RC3H2: variants seen among roughly 807,000 people sequenced by gnomAD.
RC3H2 encodes roquin-2.
RC3H2 carries 31 observed loss-of-function variants against 133.3 expected under a neutral mutation model. The ratio of observed to expected loss-of-function variants is 0.23; its 90% confidence interval spans 0.17 to 0.31. The LOEUF (loss-of-function observed/expected upper bound fraction) is 0.31, where lower values mean the gene tolerates loss of function less well. Among genes scored for constraint, RC3H2 ranks in the 10% least tolerant of loss-of-function variants. The pLI is 1.00. For missense variants in RC3H2, 1,175 were observed against 1,437.2 expected (o/e 0.82, Z 2.95); for synonymous variants, 517 against 502.2 (o/e 1.03, Z -0.40).
intron 10 of RC3H2, among the ~76,000 whole-genome samples, chr9:122,864,938 A>T (rs1329933425): frequency 6.6e-6 from 1 of 152,130 alleles, no homozygotes; most frequent in Admixed American, 6.6e-5. Flanking sequence ...GCTACACCTC[A>T]TTACAGAGTA....
intron 8 of RC3H2, among the ~76,000 whole-genome samples, chr9:122,879,124 G>A (rs899714952): frequency 2.0e-5 from 3 of 150,388 alleles, no homozygotes; most frequent in East Asian, 4.1e-4. Flanking sequence ...GGCCAGGCAC[G>A]ATGGCTCACG....
chr9:122,880,168 GAC>G (rs1341625591), intron 6 of RC3H2, 43 bp from the exon 7 acceptor site: 11 of 1,597,426 alleles, frequency 6.9e-6, no homozygotes, highest in Non-Finnish European at 9.4e-6. Flanking sequence ...TGGTTCTTAT[GAC>G]ACATTTATAC....
rs1283603600 is a variant in RC3H2 at position 122,905,153 on chromosome 9, C to T, written c.-111G>A. ...GGTCGCTAAGGGCCGCTCCCGGGAG[C>T]CCCGCGACGGCGCGGCTTGGCGACG... is the stretch of plus-strand genomic sequence containing the variant. On this transcript the variant is annotated 5_prime_UTR_variant, in exon 1 of 21. Transcript: ENST00000357244. The T allele has an allele frequency of 6.1e-6, 6 of 985,356 alleles. No individual in the cohort carries two copies. In the South Asian group the frequency reaches 1.4e-4, roughly 23 times the overall value. The allele number at this position is 985,356 out of a possible 1,614,324, so 61.0% of individuals were successfully genotyped here.
At chr9:122,875,905 C>T (rs1285210222) in intron 9 of RC3H2, among the ~76,000 whole-genome samples, 1 of 152,106 alleles carries the variant, frequency 6.6e-6, no homozygotes, top group Non-Finnish European at 1.5e-5. Flanking sequence ...ATCTACAGGA[C>T]AATGAGAGGC....
At position 122,893,062 on chromosome 9, in the gene RC3H2, C is replaced by T. The variant is rs371208316; in HGVS notation, c.232-36G>A. Reference sequence around the variant, plus strand: ...AAAAAAAAGGAATATTGCAGAAATACATTCATCCAGCTCATGCAACTATTA... The same window carrying T: ...AAAAAAAAGGAATATTGCAGAAATATATTCATCCAGCTCATGCAACTATTA... On this transcript the variant is annotated intron_variant, in intron 2 of 20. Transcript: ENST00000357244. 3.2e-6 allele frequency: 5 copies of T among 1,577,194 alleles called. No homozygotes were observed. The South Asian group carries it at 3.4e-5, about 11-fold the overall frequency.
intron 9 of RC3H2, among the ~76,000 whole-genome samples, chr9:122,869,028 A>G (rs1448891477): frequency 6.6e-6 from 1 of 151,504 alleles, no homozygotes; most frequent in Non-Finnish European, 1.5e-5. Flanking sequence ...CAGCCTCCCA[A>G]GTAGCTGGGA....
At chr9:122,873,587 T>C (rs563595976) in intron 9 of RC3H2, among the ~76,000 whole-genome samples, 4 of 151,778 alleles carry the variant, frequency 2.6e-5, no homozygotes, top group African/African-American at 9.7e-5. Flanking sequence ...GTGGCGTGTG[T>C]CTGTGGTCCC....
At chr9:122,867,792 C>T (rs1235473555) in intron 9 of RC3H2, among the ~76,000 whole-genome samples, 8 of 106,962 alleles carry the variant, frequency 7.5e-5, no homozygotes, top group South Asian at 3.2e-4. Flanking sequence ...GCCCGGCAAC[C>T]GCCCCGTCTG....
intron 3 of RC3H2, among the ~76,000 whole-genome samples, chr9:122,891,665 C>A (rs981096101): frequency 1.1e-4 from 16 of 152,198 alleles, no homozygotes; most frequent in Non-Finnish European, 1.9e-4. Flanking sequence ...ATGCCTGACA[C>A]TCTCAGTCCA....
Position 122,905,300 on chromosome 9 carries a change from C to CCCTCCA in RC3H2, c.-264_-259dup, listed in dbSNP as rs1832803789. 3.5e-5 allele frequency: 34 copies of CCCTCCA among 977,744 alleles called. No homozygotes were observed. In the South Asian group the frequency reaches 9.9e-4, roughly 28 times the overall value. 60.6% of individuals were successfully genotyped at this position (977,744 alleles called of 1,614,324 possible). On this transcript the variant is annotated 5_prime_UTR_variant, in exon 1 of 21. Transcript: ENST00000357244. The stretch of plus-strand genomic sequence containing the variant: ...GGCCGCGACGGGGCCTCCTCCTCCT[C>CCCTCCA]CCTCCACCTCCGCCTCCTCCTCCTC...
intron 9 of RC3H2, among the ~76,000 whole-genome samples, chr9:122,866,556 C>A (rs112170921): frequency 0.23 from 34,473 of 151,720 alleles, 5,157 homozygotes; most frequent in Non-Finnish European, 0.34. Flanking sequence ...AGGCGCGCGC[C>A]GCCACGCCTG....
rs1829892446 is a variant in RC3H2, at chr9:122,847,340, G to A, written c.*2287C>T. The A allele has an allele frequency of 6.6e-6, 1 of 152,026 alleles. No individual in the cohort carries two copies. The allele number at this position is 152,026 out of a possible 1,614,324, so 9.4% of individuals were successfully genotyped here. On this transcript the variant is annotated 3_prime_UTR_variant, in exon 21 of 21. Coordinates refer to ENST00000357244, the MANE Select transcript of RC3H2 (RefSeq NM_001100588.3). The stretch of plus-strand genomic sequence containing the variant: ...TGCTGAAGATGTTTTGTGTAGTTCT[G>A]TTGCACAGAGGGTTCTTTCCCTGAG...
intron 9 of RC3H2, among the ~76,000 whole-genome samples, chr9:122,872,088 A>G (rs1831127284): frequency 6.6e-6 from 1 of 152,104 alleles, no homozygotes; most frequent in Non-Finnish European, 1.5e-5. Context: ...CCCAATTATT[A>G]TTTGTTGCAT....
At chr9:122,886,228 T>C (rs117136260) in intron 4 of RC3H2, among the ~76,000 whole-genome samples, 2,275 of 152,306 alleles carry the variant, frequency 0.015, 28 homozygotes, top group South Asian at 0.063. Flanking sequence ...ATGCAGCATG[T>C]ATCAGTATTT....
intron 4 of RC3H2, among the ~76,000 whole-genome samples, chr9:122,886,538 T>C (rs1397708824): frequency 6.6e-6 from 1 of 152,174 alleles, no homozygotes; most frequent in Non-Finnish European, 1.5e-5. Flanking sequence ...TCATCAACAT[T>C]GGTTATGTTC....
In RC3H2 at chr9:122,846,414, G is replaced by A. The variant is rs778767991; in HGVS notation, c.*3213C>T. On this transcript the variant is annotated 3_prime_UTR_variant, in exon 21 of 21. Coordinates refer to ENST00000357244, the MANE Select transcript of RC3H2 (RefSeq NM_001100588.3). ...TATCACATGGCATTGAAAATAAGAC[G>A]TGGCAGCAAAGGCAAGGGAATCTGC... 2.3e-4 allele frequency: 35 copies of A among 152,004 alleles called. 1 individual carries two copies. Among genetic ancestry groups the A allele is most frequent in the Non-Finnish European group, 2.2e-4 (15 of 67,996 alleles). 9.4% of individuals were successfully genotyped at this position (152,004 alleles called of 1,614,324 possible). A position where few individuals can be genotyped will look rare whatever the true frequency, so the allele number is the denominator to read the frequency against.
At chr9:122,866,973 G>A (rs1452405113) in intron 9 of RC3H2, among the ~76,000 whole-genome samples, 1 of 141,194 alleles carries the variant, frequency 7.1e-6, no homozygotes, top group African/African-American at 2.7e-5. Context: ...TCTCTGCCCG[G>A]CCACCCATTG....
At chr9:122,870,145 C>T (rs1307697077) in intron 9 of RC3H2, among the ~76,000 whole-genome samples, 3 of 151,968 alleles carry the variant, frequency 2.0e-5, no homozygotes, top group South Asian at 4.2e-4. Context: ...GAGGCTGAGG[C>T]GAGTGGATTA....
chr9:122,894,988 G>C (rs1832357153), intron 2 of RC3H2, among the ~76,000 whole-genome samples: 1 of 152,166 alleles, frequency 6.6e-6, no homozygotes, highest in African/African-American at 2.4e-5. Flanking sequence ...TCTGAGAACT[G>C]GCTAAGAAGC....
Sources: gnomAD v4.1 joint callset for allele counts (sites outside exome capture counted in the v4.1 genomes callset) on GRCh38, gnomAD v4.1.1 for gene constraint, MANE v1.5 for transcripts, NCBI Gene and HGNC (gene_info 2026-07-23, HGNC 2026-07-21) for gene names.